Variants in STK32B observed in about 807,000 individuals in gnomAD.
STK32B encodes serine/threonine-protein kinase 32B.
Under a neutral mutation model 52.6 loss-of-function variants are expected in STK32B, and 43 were observed. The ratio of observed to expected loss-of-function variants is 0.82; its 90% CI spans 0.64 to 1.05. The LOEUF is 1.05. Among genes scored for constraint, STK32B ranks in the 50% least tolerant of loss-of-function variants. The probability of loss-of-function intolerance (pLI) is 0.00; values close to 1 mark genes in which losing one functional copy is unlikely to be tolerated. For synonymous variants in STK32B, 238 were observed against 204.3 expected, an observed-to-expected ratio of 1.17 and a Z score of -1.41; for missense variants, 621 against 534.6, an observed-to-expected ratio of 1.16 and a Z score of -1.59.
Position 5,468,048 on chromosome 4 carries a change from T to C in STK32B, c.1084T>C (p.Phe362Leu). ...QHCLETVREE[F>L]IIFNREKLRR... ...CTGTTTGGAGACTGTCCGGGAGGAA[T>C]TCATCATATTCAACAGAGAGAAGTA... is the stretch of plus-strand genomic sequence containing the variant. Residue 362 changes from phenylalanine to leucine, a missense_variant, in exon 11 of 12, where the codon TTC becomes CTC. Coordinates refer to ENST00000282908, the MANE Select transcript of STK32B (RefSeq NM_018401.3). The C allele has an allele frequency of 6.2e-7, 1 of 1,614,108 alleles. No individual in the cohort carries two copies. Among genetic ancestry groups the C allele is most frequent in the East Asian group, 2.2e-5 (1 of 44,878 alleles).
At chr4:5,027,629 G>A in the STK32B span, among the ~76,000 whole-genome samples, 3 of 151,310 alleles carry the variant, frequency 2.0e-5, no homozygotes, top group East Asian at 1.9e-4. Context: ...TGGAGTGACT[G>A]TGGTTTTGGT....
At position 5,398,056 on chromosome 4, in the gene STK32B, C is replaced by A; in HGVS notation, c.435-151C>A. The A allele has an allele frequency of 2.8e-6, 2 of 713,206 alleles. No homozygotes were observed. The highest frequency in any genetic ancestry group is 4.7e-6 in the Non-Finnish European group (2 of 422,156). 44.2% of individuals were successfully genotyped at this position (713,206 alleles called of 1,614,324 possible). A position where few individuals can be genotyped will look rare whatever the true frequency, so the allele number is the denominator to read the frequency against. On this transcript the variant is annotated intron_variant, in intron 4 of 11. Transcript: ENST00000282908. This position sits in a 1 kb window ranked among gnomAD's most constrained non-coding sequence, Gnocchi z 4.9. ...GAACACAGGTGTCCCATTATCTTAC[C>A]AATTATTCTCCCACTCCATGTCTGA...
chr4:5,422,951 T>C (rs184034266), intron 6 of STK32B, among the ~76,000 whole-genome samples: 135 of 152,170 alleles, frequency 8.9e-4, no homozygotes, highest in African/African-American at 3.0e-3. Flanking sequence ...TACAAAGGCA[T>C]TGGGGAGTGA....
intron 11 of STK32B, among the ~76,000 whole-genome samples, chr4:5,474,101 G>A (rs192840701): frequency 1.2e-4 from 19 of 152,084 alleles, no homozygotes; most frequent in African/African-American, 4.1e-4. Flanking sequence ...GAGACAGAGC[G>A]AGACTCTGTC....
At chr4:5,484,217 G>A (rs1718960920) in intron 11 of STK32B, among the ~76,000 whole-genome samples, 1 of 152,144 alleles carries the variant, frequency 6.6e-6, no homozygotes, top group South Asian at 2.1e-4. Context: ...TATTGTGTTG[G>A]TGTCTCAGTC....
chr4:5,124,693 C>T lies in STK32B; in HGVS notation c.53-15212C>T, dbSNP rs532739128. ...ACAAGACTGTGTGTATGTGTGCACA[C>T]ATGTGTACATGTCTGTGTGCATGCA... On this transcript the variant is annotated intron_variant, in intron 1 of 11. Transcript: ENST00000282908. Among the ~76,000 whole-genome samples the T allele has an allele frequency of 1.4e-4, 22 of 152,296 alleles. No homozygotes were observed. In the South Asian group the frequency reaches 4.6e-3, roughly 32 times the overall value.
At chr4:5,169,265 G>T (rs543593129) in intron 3 of STK32B, among the ~76,000 whole-genome samples, 1 of 152,086 alleles carries the variant, frequency 6.6e-6, no homozygotes, top group Admixed American at 6.5e-5. Flanking sequence ...CTTGTTTCTG[G>T]GTAGTCTAAC....
At chr4:5,077,725 G>A (rs1390471131) in intron 1 of STK32B, among the ~76,000 whole-genome samples, 1 of 152,058 alleles carries the variant, frequency 6.6e-6, no homozygotes, top group Non-Finnish European at 1.5e-5. Context: ...AGGCTGCGGG[G>A]GAAGGCAGGA....
chr4:5,495,648 C>T (rs542750642), intron 11 of STK32B, among the ~76,000 whole-genome samples: 12 of 152,304 alleles, frequency 7.9e-5, no homozygotes, highest in Admixed American at 5.9e-4. Context: ...GGAGGAGAGG[C>T]ACTCTGCTTT....
intron 2 of STK32B, among the ~76,000 whole-genome samples, chr4:5,153,645 A>G (rs1291057788): frequency 1.3e-5 from 2 of 152,180 alleles, no homozygotes; most frequent in Non-Finnish European, 2.9e-5. Context: ...AAACAAGGCA[A>G]AGATATGACT....
intron 6 of STK32B, among the ~76,000 whole-genome samples, chr4:5,445,661 T>C (rs1432757293): frequency 3.3e-5 from 5 of 152,158 alleles, no homozygotes; most frequent in Non-Finnish European, 7.3e-5. Flanking sequence ...TCTATTGAGG[T>C]GAAATTCACA....
intron 3 of STK32B, among the ~76,000 whole-genome samples, chr4:5,316,462 A>T (rs1445742132): frequency 2.2e-4 from 2 of 9,068 alleles, no homozygotes; most frequent in Non-Finnish European, 2.6e-4. Flanking sequence ...ATAATATATA[A>T]TATATATTAC....
At position 5,213,923 on chromosome 4, in the gene STK32B, G is replaced by T. The variant is rs78493857; in HGVS notation, c.260+45473G>T. Among the ~76,000 whole-genome samples, 18 of 152,262 alleles carry T rather than the reference G, an allele frequency of 1.2e-4. No homozygotes were observed. The East Asian group carries it at 2.1e-3, about 18-fold the overall frequency. ...GATTTTATGTCTGCTTTGAAAAACC[G>T]CTCCCAATCTTGAGGTCGCAGTGAT... On this transcript the variant is annotated intron_variant, in intron 3 of 11. Coordinates refer to ENST00000282908, the MANE Select transcript of STK32B (RefSeq NM_018401.3).
At chr4:5,420,796 C>T (rs763392160) in intron 6 of STK32B, among the ~76,000 whole-genome samples, 15 of 152,180 alleles carry the variant, frequency 9.9e-5, no homozygotes, top group Admixed American at 2.6e-4. Context: ...GTATTCCTAC[C>T]GATTCGTTCT....
intron 4 of STK32B, among the ~76,000 whole-genome samples, chr4:5,392,193 G>A (rs1218668739): frequency 6.6e-5 from 10 of 152,146 alleles, no homozygotes; most frequent in Non-Finnish European, 1.0e-4. Flanking sequence ...CCAACACTTT[G>A]GGAGGCCGAG....
At chr4:5,301,994 C>A (rs75217100) in intron 3 of STK32B, among the ~76,000 whole-genome samples, 4 of 150,838 alleles carry the variant, frequency 2.7e-5, no homozygotes, top group African/African-American at 4.9e-5. Context: ...TGGTTTTTCC[C>A]CCATTATTCC....
chr4:5,392,636 A>G (rs565466086), intron 4 of STK32B, among the ~76,000 whole-genome samples: 8 of 152,256 alleles, frequency 5.3e-5, no homozygotes, highest in African/African-American at 1.4e-4. Flanking sequence ...CCTTTGACAA[A>G]TCACAAGGAG....
intron 2 of STK32B, among the ~76,000 whole-genome samples, chr4:5,153,126 C>G (rs1717508722): frequency 6.6e-6 from 1 of 152,216 alleles, no homozygotes; most frequent in Admixed American, 6.5e-5. Flanking sequence ...GACGTTGAAA[C>G]TGGCTTCTAT....
intron 4 of STK32B, among the ~76,000 whole-genome samples, chr4:5,375,364 C>A (rs990153098): frequency 4.6e-5 from 7 of 152,138 alleles, no homozygotes; most frequent in Non-Finnish European, 7.4e-5. Context: ...GCTCTCTGCC[C>A]CAAACTCCAA....
Sources: gnomAD v4.1 joint callset for allele counts (sites outside exome capture counted in the v4.1 genomes callset) on GRCh38, gnomAD v4.1.1 for gene constraint, Gnocchi (gnomAD v3.1) non-coding constraint, MANE v1.5 for transcripts, NCBI Gene and HGNC (gene_info 2026-07-23, HGNC 2026-07-21) for gene names.